The following SANBR variants were observed in gnomAD, a reference collection of about 807,000 sequenced individuals.
SANBR encodes SANT and BTB domain regulator of class switch recombination.
Under a neutral mutation model 101.8 loss-of-function variants are expected in SANBR, and 77 were observed. The ratio of observed to expected loss-of-function variants is 0.76; its 90% CI spans 0.63 to 0.91. The LOEUF is 0.91. SANBR is among the 40% of genes least tolerant of loss of function. SANBR has a pLI of 0.00. For missense variants in SANBR, 875 were observed against 853.0 expected, an observed-to-expected ratio of 1.03 and a Z score of -0.32; for synonymous variants, 279 against 274.7, an observed-to-expected ratio of 1.02 and a Z score of -0.15.
chr2:61,120,842 A>G (rs1684301005), intron 20 of SANBR, among the ~76,000 whole-genome samples: 1 of 152,244 alleles, frequency 6.6e-6, no homozygotes, highest in Non-Finnish European at 1.5e-5. Flanking sequence ...AATGTTCTGG[A>G]AAATGCAAAA....
At chr2:61,120,113 C>T (rs1279534006) in intron 20 of SANBR, among the ~76,000 whole-genome samples, 1 of 152,172 alleles carries the variant, frequency 6.6e-6, no homozygotes, top group African/African-American at 2.4e-5. Flanking sequence ...GATCAATTCA[C>T]ACATTTTTAT....
At chr2:61,096,725 A>C (rs1027485886) in intron 11 of SANBR, among the ~76,000 whole-genome samples, 13 of 152,138 alleles carry the variant, frequency 8.5e-5, no homozygotes, top group African/African-American at 3.1e-4. Context: ...TATTTTACTA[A>C]CTTATAAACA....
chr2:61,093,548 T>C (rs1003393521), intron 11 of SANBR, among the ~76,000 whole-genome samples: 5 of 152,080 alleles, frequency 3.3e-5, no homozygotes, highest in African/African-American at 1.2e-4. Flanking sequence ...TGAGCTGAGA[T>C]TGCGCCATTG....
chr2:61,134,038 T>C, intron 20 of SANBR: 1 of 1,537,228 alleles, frequency 6.5e-7, no homozygotes, highest in Non-Finnish European at 8.9e-7. Flanking sequence ...CACCAATTTA[T>C]CCTAACAGCT....
rs754357292 is a variant in SANBR at position 61,117,580 on chromosome 2, A to T, written c.1939+40A>T. On this transcript the variant is annotated intron_variant, in intron 19 of 21. Transcript: ENST00000402291. ...TTGGGTAATGTACAAATTGGATGTAAATAGCAATGATTGGTGTGTGTTTCA... is the reference window on the plus strand; with the variant it reads ...TTGGGTAATGTACAAATTGGATGTATATAGCAATGATTGGTGTGTGTTTCA... The T allele has an allele frequency of 6.7e-6, 10 of 1,484,086 alleles. No homozygotes were observed. The East Asian group carries it at 2.3e-4, about 34-fold the overall frequency. The allele number at this position is 1,484,086 out of a possible 1,614,324, so 91.9% of individuals were successfully genotyped here. A position where few individuals can be genotyped will look rare whatever the true frequency, so the allele number is the denominator to read the frequency against.
chr2:61,092,019 C>A (rs908884046), intron 10 of SANBR, among the ~76,000 whole-genome samples: 1 of 152,148 alleles, frequency 6.6e-6, no homozygotes, highest in Non-Finnish European at 1.5e-5. Context: ...TGTTTAGAAT[C>A]ACCAGTAACT....
rs1049889998 is a variant in SANBR, at chr2:61,112,109, T to C, written c.1744+2813T>C. Among the ~76,000 whole-genome samples, 4 of 152,310 alleles carry C rather than the reference T, an allele frequency of 2.6e-5. No individual in the cohort carries two copies. The East Asian group carries it at 5.8e-4, about 22-fold the overall frequency. On this transcript the variant is annotated intron_variant, in intron 16 of 21. Coordinates refer to ENST00000402291, the MANE Select transcript of SANBR (RefSeq NM_001129993.3). ...CATATGGTAAGTGTATGTTTCACTT[T>C]ATAAGAAACTGCCAAATTGTTTTGC...
At chr2:61,069,872 C>T (rs1681367847) in intron 2 of SANBR, among the ~76,000 whole-genome samples, 1 of 152,170 alleles carries the variant, frequency 6.6e-6, no homozygotes, top group Admixed American at 6.6e-5. Context: ...TAGACTCTGT[C>T]CCTACTGACC....
At chr2:61,106,041 C>T (rs572034219) in intron 13 of SANBR, among the ~76,000 whole-genome samples, 2 of 152,196 alleles carry the variant, frequency 1.3e-5, no homozygotes, top group Admixed American at 1.3e-4. Context: ...GCGTCAAGTA[C>T]AATGGTGCTT....
chr2:61,137,341 G>T (rs1573692698), intron 21 of SANBR: 1 of 152,116 alleles, frequency 6.6e-6, no homozygotes, highest in African/African-American at 2.4e-5. Flanking sequence ...ATATTTTTAA[G>T]TTGGCAAAAC....
chr2:61,087,079 CTT>C (rs1682472474), intron 8 of SANBR, among the ~76,000 whole-genome samples: 1 of 152,092 alleles, frequency 6.6e-6, no homozygotes, highest in Non-Finnish European at 1.5e-5. Flanking sequence ...ATCTAGTACT[CTT>C]TAAAAACATC....
At chr2:61,072,546 C>T (rs1681529006) in intron 4 of SANBR, among the ~76,000 whole-genome samples, 1 of 152,132 alleles carries the variant, frequency 6.6e-6, no homozygotes, top group Admixed American at 6.6e-5. Flanking sequence ...CACTGCTCTT[C>T]AGCCTAGGTG....
chr2:61,079,774 G>A (rs1242332202), intron 6 of SANBR, among the ~76,000 whole-genome samples: 2 of 152,122 alleles, frequency 1.3e-5, no homozygotes, highest in African/African-American at 2.4e-5. Flanking sequence ...GGTGGCGTGT[G>A]CCTGTAGTCC....
intron 12 of SANBR, among the ~76,000 whole-genome samples, chr2:61,101,512 T>A (rs1187934620): frequency 6.8e-6 from 1 of 147,406 alleles, no homozygotes; most frequent in Non-Finnish European, 1.5e-5. Context: ...GGCGGGCGGA[T>A]CACGAGGTCA....
chr2:61,077,074 T>A lies in SANBR; in HGVS notation c.586T>A (p.Cys196Ser). The change falls in exon 6 of 22, where the codon TGC (cysteine) becomes AGC (serine). Residue 196 changes from cysteine to serine, a missense_variant. Coordinates refer to ENST00000402291, the MANE Select transcript of SANBR (RefSeq NM_001129993.3). ...GGAAGAGGTGGACATTTCAGTTCATTGCGACGTTCACATTTTCAACTGGTT... is the reference window on the plus strand; with the variant it reads ...GGAAGAGGTGGACATTTCAGTTCATAGCGACGTTCACATTTTCAACTGGTT... ...RWEEVDISVHCDVHIFNWLIK... is the reference protein window; with the variant it reads ...RWEEVDISVHSDVHIFNWLIK... 6.2e-7 allele frequency: 1 copy of A among 1,614,170 alleles called. No individual in the cohort carries two copies. Among genetic ancestry groups the A allele is most frequent in the Non-Finnish European group, 8.5e-7 (1 of 1,180,006 alleles).
intron 8 of SANBR, among the ~76,000 whole-genome samples, chr2:61,087,850 C>CA (rs879925982): frequency 4.6e-4 from 55 of 118,806 alleles, no homozygotes; most frequent in Admixed American, 1.8e-3. Context: ...GACTCTGTCT[C>CA]AAAAAAAAAA....
At position 61,120,274 on chromosome 2, in the gene SANBR, G is replaced by A. The variant is rs548673146; in HGVS notation, c.2029-911G>A. ...TCCCAGCACTTTGGGAGGCCAAGGC[G>A]GGCGGATCACAAAGTCAAGAGATCA... is the stretch of plus-strand genomic sequence containing the variant. On this transcript the variant is annotated intron_variant, in intron 20 of 21. Transcript: ENST00000402291. Among the ~76,000 whole-genome samples the A allele has an allele frequency of 5.3e-5, 8 of 152,214 alleles. No homozygotes were observed. The South Asian group carries it at 1.2e-3, about 24-fold the overall frequency.
intron 19 of SANBR, 50 bp downstream of exon 19, chr2:61,117,590 A>T (rs1257186011): frequency 2.1e-6 from 3 of 1,450,302 alleles, no homozygotes; most frequent in Non-Finnish European, 2.9e-6. Context: ...AATAGCAATG[A>T]TTGGTGTGTG....
At chr2:61,107,744 G>T (rs533492983) in intron 14 of SANBR, among the ~76,000 whole-genome samples, 1 of 152,218 alleles carries the variant, frequency 6.6e-6, no homozygotes, top group Admixed American at 6.5e-5. Context: ...AATTTAGCTG[G>T]GCGCAGTGGC....
Sources: gnomAD v4.1 joint callset for allele counts (sites outside exome capture counted in the v4.1 genomes callset) on GRCh38, gnomAD v4.1.1 for gene constraint, MANE v1.5 for transcripts, NCBI Gene and HGNC (gene_info 2026-07-23, HGNC 2026-07-21) for gene names.